Variants in TXNDC16 observed in about 807,000 individuals in gnomAD.
TXNDC16 encodes thioredoxin domain-containing protein 16.
A neutral mutation model predicts 85.6 loss-of-function variants in TXNDC16; 74 were observed. The ratio of observed to expected loss-of-function variants is 0.86; its 90% CI spans 0.72 to 1.05. The LOEUF (loss-of-function observed/expected upper bound fraction) is 1.05, where lower values mean the gene tolerates loss of function less well. Among genes scored for constraint, TXNDC16 ranks in the 50% least tolerant of loss-of-function variants. TXNDC16 has a pLI of 0.00. For missense variants in TXNDC16, 959 were observed against 947.0 expected (o/e 1.01, Z -0.17); for synonymous variants, 335 against 326.5 (o/e 1.03, Z -0.28).
At chr14:52,493,923 G>A (rs1566559147) in intron 9 of TXNDC16, among the ~76,000 whole-genome samples, 2 of 151,898 alleles carry the variant, frequency 1.3e-5, no homozygotes, top group Non-Finnish European at 2.9e-5. Context: ...TGGGACTACA[G>A]GCATGCATCA....
At chr14:52,517,106 T>A (rs2037101149) in intron 7 of TXNDC16, among the ~76,000 whole-genome samples, 2 of 152,124 alleles carry the variant, frequency 1.3e-5, no homozygotes, top group Non-Finnish European at 2.9e-5. Flanking sequence ...CAGCTCACTC[T>A]GTATAGCACA....
chr14:52,545,769 T>C (rs1428544803), intron 1 of TXNDC16, among the ~76,000 whole-genome samples: 2 of 152,158 alleles, frequency 1.3e-5, no homozygotes, highest in African/African-American at 4.8e-5. Context: ...GAAGGATATG[T>C]ACCTTGTAGG....
chr14:52,516,880 ACT>A (rs376167491), intron 7 of TXNDC16, among the ~76,000 whole-genome samples: 5 of 151,714 alleles, frequency 3.3e-5, no homozygotes, highest in African/African-American at 1.2e-4. Flanking sequence ...TCACACTGTC[ACT>A]CTCTCTAGTA....
chr14:52,489,888 G>A (rs548968800), intron 11 of TXNDC16, among the ~76,000 whole-genome samples: 5 of 152,192 alleles, frequency 3.3e-5, no homozygotes, highest in African/African-American at 7.2e-5. Context: ...CAGGGTGGAC[G>A]TGCAGTGGCA....
chr14:52,500,901 A>G (rs2036643199), intron 9 of TXNDC16, among the ~76,000 whole-genome samples: 1 of 152,218 alleles, frequency 6.6e-6, no homozygotes, highest in Non-Finnish European at 1.5e-5. Context: ...GCACTTGAGA[A>G]TTCAGATTCT....
chr14:52,461,966 T>G (rs1408908938), intron 16 of TXNDC16, among the ~76,000 whole-genome samples: 1 of 152,248 alleles, frequency 6.6e-6, no homozygotes, highest in African/African-American at 2.4e-5. Context: ...AAAGACAGCA[T>G]AAACCTGTCT....
In TXNDC16 at chr14:52,514,189, G is replaced by A. The variant is rs560841834; in HGVS notation, c.605+691C>T. Reference sequence around the variant, plus strand: ...TGCCCTAGCCTCTAAATGTAGAGCTGTAAAACATCTGGGCTTTAAACTTTT... The same window carrying A: ...TGCCCTAGCCTCTAAATGTAGAGCTATAAAACATCTGGGCTTTAAACTTTT... On this transcript the variant is annotated intron_variant, in intron 8 of 20. Transcript: ENST00000281741. Among the ~76,000 whole-genome samples the A allele has an allele frequency of 1.1e-3, 168 of 152,228 alleles. 1 individual carries two copies. Among genetic ancestry groups the A allele is most frequent in the African/African-American group, 3.9e-3 (163 of 41,550 alleles).
chr14:52,507,986 A>G (rs1339259979), intron 9 of TXNDC16, among the ~76,000 whole-genome samples: 1 of 152,240 alleles, frequency 6.6e-6, no homozygotes, highest in African/African-American at 2.4e-5. Flanking sequence ...AGGCAATACC[A>G]TTTAGGACAT....
intron 9 of TXNDC16, among the ~76,000 whole-genome samples, chr14:52,494,541 T>A (rs533070122): frequency 9.3e-4 from 142 of 152,252 alleles, no homozygotes; most frequent in African/African-American, 2.9e-3. Flanking sequence ...AAATGCCTGT[T>A]TTTTTTTCCT....
chr14:52,443,111 G>A (rs975002576), intron 18 of TXNDC16, among the ~76,000 whole-genome samples: 3 of 151,982 alleles, frequency 2.0e-5, no homozygotes, highest in African/African-American at 4.8e-5. Flanking sequence ...CATTTGAGTC[G>A]GTGGGCTGGA....
intron 9 of TXNDC16, among the ~76,000 whole-genome samples, chr14:52,505,471 G>C (rs1256953003): frequency 6.6e-6 from 1 of 152,174 alleles, no homozygotes; most frequent in South Asian, 2.1e-4. Flanking sequence ...GGAATACTGG[G>C]TACATAACGA....
chr14:52,437,623 G>A (rs1029369406), intron 20 of TXNDC16, among the ~76,000 whole-genome samples: 4 of 151,948 alleles, frequency 2.6e-5, no homozygotes, highest in African/African-American at 9.7e-5. Context: ...AATGTAAAAA[G>A]ATAACCCACA....
At chr14:52,489,491 A>T (rs2036351902) in intron 11 of TXNDC16, among the ~76,000 whole-genome samples, 1 of 152,212 alleles carries the variant, frequency 6.6e-6, no homozygotes, top group African/African-American at 2.4e-5. Flanking sequence ...CATTTTTTTA[A>T]CATTATATTC....
In TXNDC16 at chr14:52,434,239, T is replaced by G. The variant is rs2034975998; in HGVS notation, c.2195-1652A>C. Among the ~76,000 whole-genome samples, 5 of 152,154 alleles carry G rather than the reference T, an allele frequency of 3.3e-5. No homozygotes were observed. In the South Asian group the frequency reaches 1.0e-3, roughly 32 times the overall value. Reference sequence around the variant, plus strand: ...AGTGTAGCATGTAGCAAATATTATATTTAACAATAGTTATTTTTTAAGGTC... The same window carrying G: ...AGTGTAGCATGTAGCAAATATTATAGTTAACAATAGTTATTTTTTAAGGTC... On this transcript the variant is annotated intron_variant, in intron 20 of 20. Transcript: ENST00000281741.
intron 19 of TXNDC16, 123 bp downstream of exon 19, chr14:52,440,441 T>A (rs917478050): frequency 4.4e-6 from 3 of 674,998 alleles, no homozygotes; most frequent in Non-Finnish European, 6.5e-6. Context: ...TAAAATATCA[T>A]GGTGACATAT....
intron 1 of TXNDC16, among the ~76,000 whole-genome samples, chr14:52,545,907 G>C (rs2037931691): frequency 6.6e-6 from 1 of 151,998 alleles, no homozygotes; most frequent in Non-Finnish European, 1.5e-5. Context: ...ATATCAGCAA[G>C]AGCAGAGTGA....
intron 20 of TXNDC16, among the ~76,000 whole-genome samples, chr14:52,436,115 T>C (rs928026809): frequency 6.6e-6 from 1 of 152,168 alleles, no homozygotes; most frequent in Admixed American, 6.5e-5. Flanking sequence ...CACCAAACCA[T>C]ATACATGTAT....
At position 52,543,434 on chromosome 14, in the gene TXNDC16, G is replaced by A. The variant is rs770213266; in HGVS notation, c.124C>T (p.Pro42Ser). 4.3e-6 allele frequency: 7 copies of A among 1,611,788 alleles called. No individual in the cohort carries two copies. In the Admixed American group the frequency reaches 1.2e-4, roughly 27 times the overall value. The stretch of plus-strand genomic sequence containing the variant: ...AAATAAGCTAAAGAGGCTTTTCCTG[G>A]TTGCAATGTACTAAAATATTTCTGA... ...SPQKYFSTLQ[P>S]GKASLAYFCQ... Residue 42 changes from proline to serine, a missense_variant, in exon 3 of 21, where the codon CCA becomes TCA. Transcript: ENST00000281741.
intron 9 of TXNDC16, among the ~76,000 whole-genome samples, chr14:52,493,216 T>TATATATATATAC: frequency 5.5e-4 from 64 of 115,988 alleles, no homozygotes; most frequent in African/African-American, 2.2e-3. Flanking sequence ...TATATATATA[T>TATATATATATAC]ACACACACAC....
Sources: gnomAD v4.1 joint callset for allele counts (sites outside exome capture counted in the v4.1 genomes callset) on GRCh38, gnomAD v4.1.1 for gene constraint, MANE v1.5 for transcripts, NCBI Gene and HGNC (gene_info 2026-07-23, HGNC 2026-07-21) for gene names.